Variants in DNAJC28 observed in about 807,000 individuals in gnomAD.
DNAJC28 encodes the protein dnaJ homolog subfamily C member 28.
DNAJC28 carries 24 observed loss-of-function variants against 33.3 expected under a neutral mutation model. The ratio of observed to expected loss-of-function variants is 0.72; its 90% CI spans 0.52 to 1.01. The LOEUF is 1.01. Among genes scored for constraint, DNAJC28 ranks in the 50% least tolerant of loss-of-function variants. The probability of loss-of-function intolerance (pLI) is 0.00; values close to 1 mark genes in which losing one functional copy is unlikely to be tolerated. For missense variants in DNAJC28, 442 were observed against 455.2 expected (o/e 0.97, Z 0.26); for synonymous variants, 120 against 147.2 (o/e 0.82, Z 1.34).
rs147509336 is a variant in DNAJC28 at position 33,489,053 on chromosome 21, T to G, written c.341A>C (p.Gln114Pro). The G allele has an allele frequency of 3.1e-4, 499 of 1,612,862 alleles. 3 individuals are homozygous for G. The African/African-American group carries it at 4.8e-3, about 16-fold the overall frequency. ...SHVIEQTNAS[Q>P]SKGEEEEDVE... ...ATCTTCTTCTTCTTCACCTTTACTC[T>G]GACTGGCATTTGTTTGTTCTATCAC... The change falls in exon 2 of 2, where the codon CAG becomes CCG. Residue 114 changes from glutamine to proline, a missense_variant. Transcript: ENST00000381947.
In DNAJC28 at chr21:33,488,303, T is replaced by C. The variant is rs953496920; in HGVS notation, c.1091A>G (p.Glu364Gly). 3.1e-5 allele frequency: 49 copies of C among 1,560,688 alleles called. No individual in the cohort carries two copies. The highest frequency in any genetic ancestry group is 4.0e-5 in the Non-Finnish European group (47 of 1,163,190). The change falls in exon 2 of 2, where the codon GAG becomes GGG. Residue 364 changes from glutamate (E) to glycine (G), a missense_variant. Glu to Gly is a moderately conservative substitution (Grantham distance 98). Transcript: ENST00000381947. Reference protein sequence around the residue: ...NPNNLDQGEGEKTPEIKKGFL... With the variant: ...NPNNLDQGEGGKTPEIKKGFL... ...ACCTTTCTTGATTTCAGGTGTTTTC[T>C]CTCCTTCTCCTTGATCAAGGTTATT...
rs1279831399 is a variant in DNAJC28, at chr21:33,488,102, T to G, written c.*125A>C. On this transcript the variant is annotated 3_prime_UTR_variant, in exon 2 of 2. Transcript: ENST00000381947. ...GATAGGTTTCTCACTCACACATCAT[T>G]GGCTATGTGATTAGTTTTGTGATAA... 1 of 751,318 alleles carries G rather than the reference T, an allele frequency of 1.3e-6. No individual in the cohort carries two copies. The highest frequency in any genetic ancestry group is 3.7e-5 in the Admixed American group (1 of 27,032). The allele number at this position is 751,318 out of a possible 1,614,324, so 46.5% of individuals were successfully genotyped here.
At chr21:33,490,503 G>A (rs1305460660) in intron 1 of DNAJC28, among the ~76,000 whole-genome samples, 1 of 151,764 alleles carries the variant, frequency 6.6e-6, no homozygotes, top group African/African-American at 2.4e-5. Context: ...GCCAGGCACG[G>A]TGGCACACGC....
chr21:33,488,480 C>T lies in DNAJC28; in HGVS notation c.914G>A (p.Arg305Lys), dbSNP rs765636057. The T allele has an allele frequency of 6.8e-6, 11 of 1,611,726 alleles. No individual in the cohort carries two copies. The highest frequency in any genetic ancestry group is 8.5e-6 in the Non-Finnish European group (10 of 1,179,454). Residue 305 changes from arginine to lysine, a missense_variant, in exon 2 of 2, where the codon AGA (arginine) becomes AAA (lysine). Coordinates refer to ENST00000381947, the MANE Select transcript of DNAJC28 (RefSeq NM_001040192.3). ...HVCEQFQENI[R>K]KLNKRINDFN... is the part of the protein sequence containing the mutation. Reference sequence around the variant, plus strand: ...ATCATTAATTCGCTTGTTTAATTTTCTGATGTTTTCTTGAAACTGCTCACA... The same window carrying T: ...ATCATTAATTCGCTTGTTTAATTTTTTGATGTTTTCTTGAAACTGCTCACA...
chr21:33,491,417 C>T (rs1354198307), intron 1 of DNAJC28, 185 bp downstream of exon 1: 1 of 152,368 alleles, frequency 6.6e-6, no homozygotes, highest in African/African-American at 2.4e-5. Flanking sequence ...CCCCTCCTCA[C>T]CTGCGCAGAC....
intron 1 of DNAJC28, among the ~76,000 whole-genome samples, chr21:33,490,440 G>C (rs1395154250): frequency 1.3e-5 from 2 of 151,672 alleles, no homozygotes; most frequent in African/African-American, 4.8e-5. Context: ...ATATTTCACT[G>C]ATGTGGGCAG....
In DNAJC28 at chr21:33,488,958, TC is replaced by T. The variant is rs769829129; in HGVS notation, c.435del (p.Thr146LeufsTer21). The T allele has an allele frequency of 3.1e-6, 5 of 1,613,774 alleles. No homozygotes were observed. Among genetic ancestry groups the T allele is most frequent in the Non-Finnish European group, 4.2e-6 (5 of 1,180,030 alleles). On this transcript the variant is annotated frameshift_variant, in exon 2 of 2. Transcript: ENST00000381947. LOFTEE classifies it high-confidence loss of function. ...TAATGCTTCTCTCGTTGAGTTGGAG[TC>T]CCAAAACCAATACCTTCAAAACTTA... ...HYLSFEGIGF[G>X]TPTQREKHYR... is the part of the protein sequence containing the mutation.
chr21:33,490,333 T>C (rs2084511395), intron 1 of DNAJC28, among the ~76,000 whole-genome samples: 1 of 149,314 alleles, frequency 6.7e-6, no homozygotes, highest in Non-Finnish European at 1.5e-5. Context: ...GGTCTCGATC[T>C]CCTGACCCTG....
intron 1 of DNAJC28, 111 bp from the exon 2 acceptor site, chr21:33,489,535 C>T: frequency 1.9e-6 from 1 of 519,322 alleles, no homozygotes; most frequent in Non-Finnish European, 3.1e-6. Flanking sequence ...CAACAAGGGG[C>T]AGTTCTTTTG....
chr21:33,488,601 C>G lies in DNAJC28; in HGVS notation c.793G>C (p.Asp265His), dbSNP rs763604079. The G allele has an allele frequency of 1.2e-6, 2 of 1,613,834 alleles. No homozygotes were observed. The highest frequency in any genetic ancestry group is 1.7e-6 in the Non-Finnish European group (2 of 1,179,998). ...EWILKQKEIS[D>H]TIEQLREAIL... Reference sequence around the variant, plus strand: ...GCCTCTCTGAGTTGCTCAATAGTATCGCTTATTTCCTTTTGCTTAAGGATC... The same window carrying G: ...GCCTCTCTGAGTTGCTCAATAGTATGGCTTATTTCCTTTTGCTTAAGGATC... The change falls in exon 2 of 2, where the codon GAT becomes CAT. Residue 265 changes from aspartate to histidine, a missense_variant. Asp to His is a moderately conservative substitution (Grantham distance 81, BLOSUM62 -1). Transcript: ENST00000381947.
In DNAJC28 at chr21:33,489,170, G is replaced by C; in HGVS notation, c.224C>G (p.Ala75Gly). The change falls in exon 2 of 2, where the codon GCC becomes GGC. Residue 75 changes from alanine to glycine, a missense_variant. Physicochemically the swap from Ala to Gly is moderately conservative, Grantham distance 60. Transcript: ENST00000381947. ...DEVRESFHKL[A>G]KQYHPDSGSN... ...GCCACTGTCAGGATGATATTGCTTG[G>C]CAAGCTTATGAAAAGATTCCCTGAC... The C allele has an allele frequency of 1.2e-6, 2 of 1,611,636 alleles. No homozygotes were observed. Among genetic ancestry groups the C allele is most frequent in the South Asian group, 2.2e-5 (2 of 90,296 alleles).
chr21:33,491,177 G>A (rs2084519711), intron 1 of DNAJC28: 2 of 152,210 alleles, frequency 1.3e-5, no homozygotes. Context: ...TGAATTGTGA[G>A]GCCTCCCAAC....
Position 33,488,891 on chromosome 21 carries a change from T to G in DNAJC28, c.503A>C (p.Glu168Ala). 1 of 1,610,836 alleles carries G rather than the reference T, an allele frequency of 6.2e-7. No individual in the cohort carries two copies. The highest frequency in any genetic ancestry group is 1.7e-4 in the Middle Eastern group (1 of 6,048). Residue 168 changes from glutamate to alanine, a missense_variant, in exon 2 of 2, where the codon GAA (glutamate) becomes GCA (alanine). Physicochemically the swap from Glu to Ala is moderately radical, Grantham distance 107 (BLOSUM62 -1). Coordinates refer to ENST00000381947, the MANE Select transcript of DNAJC28 (RefSeq NM_001040192.3). ...RADRAAEQVM[E>A]YQKQKLQSQY... The stretch of plus-strand genomic sequence containing the variant: ...GCTTTGTAGTTTCTGCTTTTGATAT[T>G]CCATCACTTGTTCAGCAGCACGGTC...
Position 33,488,861 on chromosome 21 carries a change from T to C in DNAJC28, c.533A>G (p.Tyr178Cys). The part of the protein sequence containing the change: ...EYQKQKLQSQ[Y>C]FPDSVIVKNI... The stretch of plus-strand genomic sequence containing the variant: ...TTTAACAATTACACTATCAGGAAAA[T>C]ACTGGCTTTGTAGTTTCTGCTTTTG... Residue 178 changes from tyrosine (Y) to cysteine (C), a missense_variant, in exon 2 of 2, where the codon TAT (tyrosine) becomes TGT (cysteine). By Grantham distance (194) the Tyr-to-Cys change is radical. Transcript: ENST00000381947. 6.2e-7 allele frequency: 1 copy of C among 1,610,412 alleles called. No individual in the cohort carries two copies. The highest frequency in any genetic ancestry group is 8.5e-7 in the Non-Finnish European group (1 of 1,179,296).
intron 1 of DNAJC28, 142 bp downstream of exon 1, chr21:33,491,460 T>A (rs1488575613): frequency 6.6e-6 from 1 of 152,394 alleles, no homozygotes; most frequent in African/African-American, 2.4e-5. Flanking sequence ...CCCGCCCCCC[T>A]GCCGCGCCTC....
rs368708571 is a variant in DNAJC28 at position 33,489,384 on chromosome 21, T to C, written c.10A>G (p.Met4Val). Residue 4 changes from methionine to valine, a missense_variant, in exon 2 of 2, where the codon ATG becomes GTG. Physicochemically the swap from Met to Val is conservative, Grantham distance 21. Transcript: ENST00000381947. ...AAGATCTGAGCCATCATCACATACA[T>C]TGTATTCATTATTGTACCCAGAGTT... The part of the protein sequence containing the change: MNT[M>V]YVMMAQILRS... The C allele has an allele frequency of 1.1e-5, 16 of 1,517,342 alleles. No homozygotes were observed. In the African/African-American group the frequency reaches 1.7e-4, roughly 16 times the overall value. 94.0% of individuals were successfully genotyped at this position (1,517,342 alleles called of 1,614,324 possible).
intron 1 of DNAJC28, among the ~76,000 whole-genome samples, chr21:33,490,212 G>A (rs1289007952): frequency 8.7e-5 from 13 of 150,218 alleles, no homozygotes; most frequent in Admixed American, 5.3e-4. Context: ...GGGTTCAAGC[G>A]ATTCTCCTGC....
intron 1 of DNAJC28, among the ~76,000 whole-genome samples, chr21:33,490,863 T>C (rs991094499): frequency 2.6e-5 from 4 of 152,176 alleles, no homozygotes; most frequent in Admixed American, 6.5e-5. Flanking sequence ...AATCTTCTCA[T>C]TTAATGAGAA....
chr21:33,489,352 A>G lies in DNAJC28; in HGVS notation c.42T>C (p.Ser14=), dbSNP rs2084499796. 1 of 1,542,612 alleles carries G rather than the reference A, an allele frequency of 6.5e-7. No individual in the cohort carries two copies. Among genetic ancestry groups the G allele is most frequent in the Non-Finnish European group, 8.7e-7 (1 of 1,150,962 alleles). Residue 14 remains serine, a synonymous_variant, in exon 2 of 2, where the codon TCT becomes TCC. Transcript: ENST00000381947. ...GAATCACTGTAGCCTTTATCAGGTG[A>G]GATCTTAAGATCTGAGCCATCATCA... ...MYVMMAQILR[S]HLIKATVIPN...
Sources: gnomAD v4.1 joint callset for allele counts (sites outside exome capture counted in the v4.1 genomes callset) on GRCh38, gnomAD v4.1.1 for gene constraint, MANE v1.5 for transcripts, NCBI Gene and HGNC (gene_info 2026-07-23, HGNC 2026-07-21) for gene names.